The following TENM3 variants were observed in gnomAD, a reference collection of about 807,000 sequenced individuals.
The protein encoded by TENM3 is teneurin-3.
In TENM3, 63 loss-of-function variants were observed where a neutral mutation model predicts 255.1. That is an observed-to-expected ratio of 0.25 (90% CI 0.20 to 0.30). The LOEUF is 0.30. TENM3 is among the 10% of genes least tolerant of loss of function. TENM3 has a pLI of 1.00. For synonymous variants in TENM3, 1,306 were observed against 1,322.3 expected, an observed-to-expected ratio of 0.99 and a Z score of 0.27; for missense variants, 2,929 against 3,461.1, an observed-to-expected ratio of 0.85 and a Z score of 3.86.
chr4:181,714,834 G>A, the TENM3 span, among the ~76,000 whole-genome samples: 1 of 152,042 alleles, frequency 6.6e-6, no homozygotes, highest in African/African-American at 2.4e-5. Flanking sequence ...GTAGAGCAAA[G>A]ACAAATAAAA....
At chr4:182,622,622 C>T (rs1035002009) in intron 4 of TENM3, among the ~76,000 whole-genome samples, 4 of 152,192 alleles carry the variant, frequency 2.6e-5, no homozygotes, top group African/African-American at 9.7e-5. Context: ...ACACACATCC[C>T]AGGCTTGCTT....
the TENM3 span, among the ~76,000 whole-genome samples, chr4:181,813,578 G>C: frequency 2.0e-4 from 30 of 152,290 alleles, no homozygotes; most frequent in South Asian, 5.6e-3. Flanking sequence ...AAAGTTAAGA[G>C]ACCAGGAAGT....
intron 3 of TENM3, among the ~76,000 whole-genome samples, chr4:182,556,629 A>T (rs1395920000): frequency 6.6e-6 from 1 of 152,184 alleles, no homozygotes; most frequent in Non-Finnish European, 1.5e-5. Context: ...TAAAGTGACC[A>T]ATTTACAAGT....
the TENM3 span, among the ~76,000 whole-genome samples, chr4:181,913,393 T>C: frequency 1.6e-4 from 24 of 152,312 alleles, no homozygotes; most frequent in African/African-American, 5.5e-4. Flanking sequence ...AATTTACTTC[T>C]ATAGAAGGTT....
chr4:182,448,873 G>C (rs1417818547), intron 3 of TENM3: 1 of 209,572 alleles, frequency 4.8e-6, no homozygotes, highest in African/African-American at 2.4e-5. Context: ...GCGGGAGGCG[G>C]CGGTGGCGGC....
intron 3 of TENM3, among the ~76,000 whole-genome samples, chr4:182,422,813 G>A (rs1200730569): frequency 6.6e-6 from 1 of 152,160 alleles, no homozygotes; most frequent in Non-Finnish European, 1.5e-5. Flanking sequence ...TTGTAAGCAT[G>A]CCACATGTAT....
At chr4:181,971,545 AGTT>A in the TENM3 span, among the ~76,000 whole-genome samples, 1 of 152,030 alleles carries the variant, frequency 6.6e-6, no homozygotes, top group Non-Finnish European at 1.5e-5. Flanking sequence ...GGGATGGGGA[AGTT>A]GTTGGGTATT....
the TENM3 span, among the ~76,000 whole-genome samples, chr4:182,089,924 A>C: frequency 6.6e-6 from 1 of 152,354 alleles, no homozygotes; most frequent in Non-Finnish European, 1.5e-5. Flanking sequence ...ATTGCTTTGT[A>C]GTAAAGTTTA....
chr4:182,548,084 C>T (rs990774733), intron 3 of TENM3, among the ~76,000 whole-genome samples: 1 of 151,964 alleles, frequency 6.6e-6, no homozygotes, highest in Admixed American at 6.6e-5. Flanking sequence ...ATTAGCCACG[C>T]ATGGTAGTGT....
At chr4:181,879,194 A>T in the TENM3 span, among the ~76,000 whole-genome samples, 1 of 152,228 alleles carries the variant, frequency 6.6e-6, no homozygotes, top group Non-Finnish European at 1.5e-5. Context: ...GTCAAGTGAC[A>T]TAAATTCAGA....
At chr4:181,690,580 A>G in the TENM3 span, among the ~76,000 whole-genome samples, 1 of 152,218 alleles carries the variant, frequency 6.6e-6, no homozygotes, top group East Asian at 1.9e-4. Context: ...ATGCTCAACG[A>G]AATTGTGACA....
the TENM3 span, among the ~76,000 whole-genome samples, chr4:181,552,441 C>A: frequency 6.6e-6 from 1 of 152,116 alleles, no homozygotes; most frequent in African/African-American, 2.4e-5. Context: ...CAATAGAAAG[C>A]CGATTTGCTC....
At chr4:181,939,535 G>A in the TENM3 span, among the ~76,000 whole-genome samples, 3 of 152,322 alleles carry the variant, frequency 2.0e-5, no homozygotes, top group East Asian at 1.9e-4. Context: ...AGGGCAAAAC[G>A]GTAAGATCGG....
At chr4:181,598,125 T>G in the TENM3 span, among the ~76,000 whole-genome samples, 478 of 152,300 alleles carry the variant, frequency 3.1e-3, 3 homozygotes, top group African/African-American at 0.011. Flanking sequence ...TAGGCTAATT[T>G]CACGTGCTAA....
At chr4:181,675,004 G>T in the TENM3 span, among the ~76,000 whole-genome samples, 101 of 152,128 alleles carry the variant, frequency 6.6e-4, no homozygotes, top group Non-Finnish European at 1.3e-3. Context: ...GACACAGAAG[G>T]TCCTCAAGTA....
At chr4:182,256,941 A>C (rs11723519) in intron 1 of TENM3, among the ~76,000 whole-genome samples, 40,117 of 151,424 alleles carry the variant, frequency 0.26, 5,517 homozygotes, top group Middle Eastern at 0.34. Flanking sequence ...CCGGAGTGCC[A>C]TTATTTTCTT....
At chr4:181,928,676 G>A in the TENM3 span, among the ~76,000 whole-genome samples, 1 of 152,006 alleles carries the variant, frequency 6.6e-6, no homozygotes, top group African/African-American at 2.4e-5. Context: ...AGGAAATAAA[G>A]AGAACACCAC....
At chr4:181,672,017 AAT>A in the TENM3 span, among the ~76,000 whole-genome samples, 1 of 152,222 alleles carries the variant, frequency 6.6e-6, no homozygotes, top group African/African-American at 2.4e-5. Flanking sequence ...AAAATTCCAA[AAT>A]ATATACTTTG....
chr4:182,730,407 T>C, intron 15 of TENM3, 88 bp downstream of exon 15: 1 of 1,488,362 alleles, frequency 6.7e-7, no homozygotes, highest in Non-Finnish European at 9.1e-7. Flanking sequence ...GACTGTCCTT[T>C]TAAATATGGA....
Sources: gnomAD v4.1 joint callset for allele counts (sites outside exome capture counted in the v4.1 genomes callset) on GRCh38, gnomAD v4.1.1 for gene constraint, MANE v1.5 for transcripts, NCBI Gene and HGNC (gene_info 2026-07-23, HGNC 2026-07-21) for gene names.